The following NKAIN2 variants were observed in gnomAD, a reference collection of about 807,000 sequenced individuals.
NKAIN2 encodes sodium/potassium-transporting ATPase subunit beta-1-interacting protein 2.
NKAIN2 carries 14 observed loss-of-function variants against 32.6 expected under a neutral mutation model. That is an observed-to-expected ratio of 0.43 (90% CI 0.28 to 0.67). NKAIN2 has a LOEUF of 0.67. Among genes scored for constraint, NKAIN2 ranks in the 30% least tolerant of loss-of-function variants. The probability of loss-of-function intolerance (pLI) is 0.17; values close to 1 mark genes in which losing one functional copy is unlikely to be tolerated. For missense variants in NKAIN2, 198 were observed against 258.3 expected (o/e 0.77, Z 1.60); for synonymous variants, 80 against 87.2 (o/e 0.92, Z 0.46).
chr6:124,282,975 T>G (rs760211071), intron 1 of NKAIN2, 30 bp from the exon 2 acceptor site: 2 of 1,609,796 alleles, frequency 1.2e-6, no homozygotes, highest in Non-Finnish European at 1.7e-6. Context: ...TCTCACATGC[T>G]GATCTGTCCA....
At chr6:124,066,202 A>C (rs1036288350) in intron 1 of NKAIN2, among the ~76,000 whole-genome samples, 1 of 152,094 alleles carries the variant, frequency 6.6e-6, no homozygotes, top group African/African-American at 2.4e-5. Flanking sequence ...TATAAGGGTT[A>C]ACTTCTTAGT....
intron 1 of NKAIN2, among the ~76,000 whole-genome samples, chr6:124,119,187 T>C (rs1029854272): frequency 6.6e-6 from 1 of 152,114 alleles, no homozygotes; most frequent in Non-Finnish European, 1.5e-5. Context: ...ATTTAAAAAG[T>C]AAAAAATTTA....
chr6:124,533,276 C>G (rs962053237), intron 3 of NKAIN2, among the ~76,000 whole-genome samples: 64 of 151,946 alleles, frequency 4.2e-4, no homozygotes, highest in African/African-American at 1.5e-3. Flanking sequence ...TCGAGACCAT[C>G]CTGACTAACA....
intron 2 of NKAIN2, among the ~76,000 whole-genome samples, chr6:124,313,309 A>ACAT (rs2115005471): frequency 6.6e-6 from 1 of 152,272 alleles, no homozygotes; most frequent in South Asian, 2.1e-4. Context: ...GTAGGTGGAA[A>ACAT]CATCTTTTTT....
intron 1 of NKAIN2, among the ~76,000 whole-genome samples, chr6:124,162,487 T>G (rs1788331548): frequency 6.6e-6 from 1 of 152,140 alleles, no homozygotes; most frequent in Admixed American, 6.6e-5. Flanking sequence ...GGGGATGAAC[T>G]ATGCATGTGT....
chr6:124,503,216 A>C (rs1778359903), intron 3 of NKAIN2, among the ~76,000 whole-genome samples: 1 of 152,116 alleles, frequency 6.6e-6, no homozygotes, highest in South Asian at 2.1e-4. Flanking sequence ...ATATTTGTAC[A>C]TTATATTGAA....
At chr6:124,017,316 T>C (rs1181879230) in intron 1 of NKAIN2, among the ~76,000 whole-genome samples, 1 of 152,130 alleles carries the variant, frequency 6.6e-6, no homozygotes. Flanking sequence ...CAATTGGAGA[T>C]AAGATTTCGG....
chr6:124,072,002 C>T (rs908144790), intron 1 of NKAIN2, among the ~76,000 whole-genome samples: 1 of 152,114 alleles, frequency 6.6e-6, no homozygotes, highest in Non-Finnish European at 1.5e-5. Context: ...ATAAATTTTT[C>T]TACCAAAATG....
chr6:124,133,171 G>A (rs11758638), intron 1 of NKAIN2, among the ~76,000 whole-genome samples: 8,120 of 152,220 alleles, frequency 0.053, 293 homozygotes, highest in Middle Eastern at 0.12. Flanking sequence ...GCAGCATGGA[G>A]GTACCTATAG....
At chr6:124,339,058 ACGGGCTG>A (rs1798000240) in intron 2 of NKAIN2, among the ~76,000 whole-genome samples, 1 of 152,140 alleles carries the variant, frequency 6.6e-6, no homozygotes, top group Non-Finnish European at 1.5e-5. Flanking sequence ...CCAGTGGCTC[ACGGGCTG>A]GGTGCAGTGG....
At chr6:123,946,783 A>G (rs952146358) in intron 1 of NKAIN2, among the ~76,000 whole-genome samples, 4 of 152,122 alleles carry the variant, frequency 2.6e-5, no homozygotes, top group Non-Finnish European at 4.4e-5. Context: ...GTAAAAGTTT[A>G]AGACAGCTGC....
At chr6:124,123,996 G>A (rs1472367575) in intron 1 of NKAIN2, among the ~76,000 whole-genome samples, 3 of 130,530 alleles carry the variant, frequency 2.3e-5, no homozygotes, top group East Asian at 2.4e-4. Flanking sequence ...TAGGATGAGT[G>A]ATCACAGTCT....
intron 1 of NKAIN2, among the ~76,000 whole-genome samples, chr6:124,029,367 T>G (rs911076082): frequency 6.8e-6 from 1 of 146,496 alleles, no homozygotes; most frequent in Non-Finnish European, 1.5e-5. Flanking sequence ...AGGAAAAAAA[T>G]AAAATAAATA....
chr6:123,898,105 A>C (rs972608103), intron 1 of NKAIN2, among the ~76,000 whole-genome samples: 1 of 152,134 alleles, frequency 6.6e-6, no homozygotes, highest in Non-Finnish European at 1.5e-5. Context: ...ATATGATCTC[A>C]TCATTGCAGG....
intron 1 of NKAIN2, 86 bp from the exon 2 acceptor site, chr6:124,282,919 T>A: frequency 8.8e-7 from 1 of 1,136,270 alleles, no homozygotes; most frequent in Non-Finnish European, 1.3e-6. Flanking sequence ...GTGCTAATTA[T>A]GTTATTAATA....
intron 1 of NKAIN2, among the ~76,000 whole-genome samples, chr6:124,014,326 T>G (rs924960631): frequency 1.3e-5 from 2 of 152,154 alleles, no homozygotes; most frequent in Non-Finnish European, 2.9e-5. Context: ...AAAACAAAAA[T>G]AACAGTATCT....
intron 1 of NKAIN2, among the ~76,000 whole-genome samples, chr6:124,122,199 A>G (rs73566072): frequency 0.03 from 4,590 of 152,202 alleles, 234 homozygotes; most frequent in African/African-American, 0.1. Flanking sequence ...CTATAATGAC[A>G]TAATTTGAAC....
At chr6:124,757,343 G>T (rs770928160) in intron 4 of NKAIN2, among the ~76,000 whole-genome samples, 1 of 151,890 alleles carries the variant, frequency 6.6e-6, no homozygotes. Context: ...CTCTCTGCAC[G>T]CTTCAACATT....
chr6:124,601,955 T>A (rs1172054782), intron 3 of NKAIN2, among the ~76,000 whole-genome samples: 2 of 152,026 alleles, frequency 1.3e-5, no homozygotes, highest in African/African-American at 4.8e-5. Flanking sequence ...TTTTCTTTTC[T>A]TTTTTAAGTG....
Sources: gnomAD v4.1 joint callset for allele counts (sites outside exome capture counted in the v4.1 genomes callset) on GRCh38, gnomAD v4.1.1 for gene constraint, MANE v1.5 for transcripts, NCBI Gene and HGNC (gene_info 2026-07-23, HGNC 2026-07-21) for gene names.